The following RARB variants were observed in gnomAD, a reference collection of about 807,000 sequenced individuals.
RARB encodes retinoic acid receptor beta.
In RARB, 17 loss-of-function variants were observed where a neutral mutation model predicts 51.9. That is an observed-to-expected ratio of 0.33 (90% CI 0.22 to 0.49). The LOEUF is 0.49. Among genes scored for constraint, RARB ranks in the 20% least tolerant of loss-of-function variants. RARB has a pLI of 0.99. For missense variants in RARB, 369 were observed against 550.8 expected (o/e 0.67, Z 3.30); for synonymous variants, 215 against 195.4 (o/e 1.10, Z -0.84).
intron 1 of RARB, among the ~76,000 whole-genome samples, chr3:25,453,351 G>T (rs187845973): frequency 6.7e-6 from 1 of 148,536 alleles, no homozygotes; most frequent in Non-Finnish European, 1.5e-5. Flanking sequence ...GGGTTCAAGC[G>T]ATTCTCCTGC....
At chr3:24,941,802 C>T (rs1213731654) in intron 2 of RARB, among the ~76,000 whole-genome samples, 1 of 152,200 alleles carries the variant, frequency 6.6e-6, no homozygotes, top group Non-Finnish European at 1.5e-5. Flanking sequence ...ATTCCATCTC[C>T]TCATAAAGCT....
chr3:25,239,263 C>G lies in RARB; in HGVS notation c.178+64688C>G, dbSNP rs141471173. Among the ~76,000 whole-genome samples, 29 of 152,216 alleles carry G rather than the reference C, an allele frequency of 1.9e-4. No individual in the cohort carries two copies. The East Asian group carries it at 5.4e-3, about 28-fold the overall frequency. Reference sequence around the variant, plus strand: ...CTATTCAACAGGTTGTTCTATAACTCTGTTAATTGTTTCCTCTGCTGATCA... The same window carrying G: ...CTATTCAACAGGTTGTTCTATAACTGTGTTAATTGTTTCCTCTGCTGATCA... On this transcript the variant is annotated intron_variant, in intron 5 of 11. Coordinates refer to the RARB transcript ENST00000383772.
intron 2 of RARB, among the ~76,000 whole-genome samples, chr3:24,935,166 C>A (rs562471644): frequency 6.6e-6 from 1 of 152,088 alleles, no homozygotes; most frequent in Non-Finnish European, 1.5e-5. Flanking sequence ...ATCCATAAGG[C>A]ACTTTCATAT....
chr3:25,478,309 G>A (rs1387398440), intron 2 of RARB, among the ~76,000 whole-genome samples: 1 of 152,168 alleles, frequency 6.6e-6, no homozygotes, highest in East Asian at 1.9e-4. Flanking sequence ...TATTATTGTG[G>A]CCATCTTTGG....
chr3:24,832,337 T>C (rs1702293364), intron 1 of RARB, among the ~76,000 whole-genome samples: 1 of 152,020 alleles, frequency 6.6e-6, no homozygotes, highest in African/African-American at 2.4e-5. Context: ...GTGAAATCAG[T>C]ATTACCTGAG....
chr3:25,587,810 C>G (rs1252866588), intron 5 of RARB, among the ~76,000 whole-genome samples: 1 of 152,242 alleles, frequency 6.6e-6, no homozygotes, highest in African/African-American at 2.4e-5. Context: ...AGATCAGGAT[C>G]TGCCCACATG....
rs547535313 is a variant in RARB at position 25,442,385 on chromosome 3, C to T, written c.157+13497C>T. On this transcript the variant is annotated intron_variant, in intron 1 of 7. Coordinates refer to ENST00000330688, the MANE Select transcript of RARB (RefSeq NM_000965.5). ...TCCTGACCTCATGATCCACCCGCCT[C>T]GATCTTCCATAGTGCTGGGATTACA... is the stretch of plus-strand genomic sequence containing the variant. Among the ~76,000 whole-genome samples the T allele has an allele frequency of 2.4e-3, 365 of 152,268 alleles. 1 individual carries two copies. Among genetic ancestry groups the T allele is most frequent in the African/African-American group, 8.3e-3 (347 of 41,558 alleles).
chr3:25,408,163 C>T (rs1056330498), intron 5 of RARB, among the ~76,000 whole-genome samples: 3 of 152,150 alleles, frequency 2.0e-5, no homozygotes, highest in African/African-American at 7.2e-5. Context: ...CTACACTGAA[C>T]AGGCTCTGTG....
chr3:25,336,057 C>G (rs991988393), intron 5 of RARB, among the ~76,000 whole-genome samples: 2 of 150,224 alleles, frequency 1.3e-5, no homozygotes, highest in Admixed American at 1.3e-4. Flanking sequence ...GAAGACACCC[C>G]CACTGGGGAG....
At chr3:25,068,295 CTCTTT>C (rs1329783465) in intron 3 of RARB, among the ~76,000 whole-genome samples, 1 of 151,646 alleles carries the variant, frequency 6.6e-6, no homozygotes, top group Non-Finnish European at 1.5e-5. Context: ...CCTTCCCTTG[CTCTTT>C]TCTAAGAGTT....
chr3:25,006,015 C>T (rs563193030), intron 2 of RARB, among the ~76,000 whole-genome samples: 2 of 152,112 alleles, frequency 1.3e-5, no homozygotes, highest in Non-Finnish European at 2.9e-5. Context: ...AATCCCACCT[C>T]AGGGCTTTTG....
At chr3:25,273,182 A>T (rs147685089) in intron 5 of RARB, among the ~76,000 whole-genome samples, 1 of 152,138 alleles carries the variant, frequency 6.6e-6, no homozygotes, top group Non-Finnish European at 1.5e-5. Flanking sequence ...AGCTGCTTCT[A>T]TGTGGATCTA....
chr3:25,481,400 T>C (rs1259416411), intron 2 of RARB, among the ~76,000 whole-genome samples: 1 of 152,232 alleles, frequency 6.6e-6, no homozygotes, highest in African/African-American at 2.4e-5. Context: ...ATTATGTTTT[T>C]TGAATTTTTC....
intron 5 of RARB, among the ~76,000 whole-genome samples, chr3:25,193,736 T>G (rs532899578): frequency 6.6e-6 from 1 of 151,984 alleles, no homozygotes; most frequent in Admixed American, 6.6e-5. Context: ...GTATGTAGAT[T>G]GTTGTTTTTC....
chr3:25,344,485 A>T (rs1247613353), intron 5 of RARB, among the ~76,000 whole-genome samples: 1 of 152,208 alleles, frequency 6.6e-6, no homozygotes, highest in Non-Finnish European at 1.5e-5. Context: ...TCATTGTGTC[A>T]GTGGTAAACT....
At chr3:25,577,344 A>G (rs1218189904) in intron 4 of RARB, among the ~76,000 whole-genome samples, 1 of 152,206 alleles carries the variant, frequency 6.6e-6, no homozygotes, top group Non-Finnish European at 1.5e-5. Context: ...AGCATGTAGA[A>G]CAGTGCCTGG....
intron 5 of RARB, among the ~76,000 whole-genome samples, chr3:25,296,907 G>A (rs1432674496): frequency 6.6e-6 from 1 of 152,198 alleles, no homozygotes; most frequent in Admixed American, 6.5e-5. Flanking sequence ...TTTTGCAGGA[G>A]TGAGAAGATA....
At chr3:25,566,246 CCGT>C (rs1397750257) in intron 3 of RARB, among the ~76,000 whole-genome samples, 2 of 152,150 alleles carry the variant, frequency 1.3e-5, no homozygotes, top group African/African-American at 4.8e-5. Context: ...GAAAATTTGT[CCGT>C]CAACTTATGA....
intron 3 of RARB, among the ~76,000 whole-genome samples, chr3:25,537,934 A>G (rs1320614931): frequency 1.3e-5 from 2 of 152,190 alleles, no homozygotes; most frequent in Non-Finnish European, 2.9e-5. Context: ...ATCCAAGTAG[A>G]AAGTGCTACT....
Sources: allele counts gnomAD v4.1 joint callset (sites outside exome capture counted in the v4.1 genomes callset), GRCh38; gene constraint gnomAD v4.1.1; transcripts MANE v1.5; gene names NCBI Gene and HGNC (gene_info 2026-07-23, HGNC 2026-07-21).